PRKAR1A: variants seen among roughly 807,000 people sequenced by gnomAD.
PRKAR1A encodes the protein protein kinase cAMP-dependent type I regulatory subunit alpha, also known as cAMP-dependent protein kinase type I-alpha regulatory subunit.
In PRKAR1A, 3 loss-of-function variants were observed where a neutral mutation model predicts 52.0. The observed-to-expected ratio is 0.06, with a 90% CI of 0.03 to 0.15. PRKAR1A has a LOEUF of 0.15. PRKAR1A is among the 10% of genes least tolerant of loss of function. The probability of loss-of-function intolerance (pLI) is 1.00; values close to 1 mark genes in which losing one functional copy is unlikely to be tolerated. For missense variants in PRKAR1A, 240 were observed against 477.4 expected, an observed-to-expected ratio of 0.50 and a Z score of 4.63; for synonymous variants, 188 against 168.4, an observed-to-expected ratio of 1.12 and a Z score of -0.90.
At chr17:68,540,759 C>T in intron 11 of PRKAR1A, 1 of 1,493,406 alleles carries the variant, frequency 6.7e-7, no homozygotes, top group Non-Finnish European at 9.1e-7. Flanking sequence ...TCCTCATGAA[C>T]CAGGTTGTAA....
chr17:68,425,156 C>T, the PRKAR1A span, among the ~76,000 whole-genome samples: 4 of 152,190 alleles, frequency 2.6e-5, no homozygotes, highest in African/African-American at 9.6e-5. Context: ...TAAAGGTGCT[C>T]GGGCAAGCTC....
At chr17:68,435,506 G>T in the PRKAR1A span, 1 of 990,478 alleles carries the variant, frequency 1.0e-6, no homozygotes, top group Non-Finnish European at 1.6e-6. Context: ...AATTCTGAGT[G>T]GGCCCAGAGA....
At chr17:68,542,337 C>T (rs576754585) in intron 11 of PRKAR1A, among the ~76,000 whole-genome samples, 2 of 152,324 alleles carry the variant, frequency 1.3e-5, no homozygotes, top group South Asian at 2.1e-4. Context: ...GTGAATGCTA[C>T]TAAGCTGAAC....
chr17:68,492,631 G>A, the PRKAR1A span, among the ~76,000 whole-genome samples: 84 of 152,138 alleles, frequency 5.5e-4, 1 homozygote, highest in Admixed American at 1.3e-4. Context: ...GCTTGGGAAC[G>A]TATCCAAGTC....
intron 2 of PRKAR1A, among the ~76,000 whole-genome samples, chr17:68,521,511 G>A (rs1249260904): frequency 3.9e-5 from 6 of 152,246 alleles, no homozygotes; most frequent in South Asian, 2.1e-4. Flanking sequence ...GATTATAGGC[G>A]TAAGCCACTG....
downstream of PRKAR1A, chr17:68,537,850 C>T: frequency 8.1e-7 from 1 of 1,240,048 alleles, no homozygotes; most frequent in Non-Finnish European, 1.1e-6. This position sits in a 1 kb window ranked among gnomAD's most constrained non-coding sequence, Gnocchi z 4.2. Context: ...TGGCGCCTCT[C>T]CTTGTGTCTT....
intron 3 of PRKAR1A, 54 bp downstream of exon 3, chr17:68,522,980 C>G: frequency 6.3e-7 from 1 of 1,594,500 alleles, no homozygotes. Context: ...ACTTGGTGGT[C>G]ATCTAGTCTC....
chr17:68,534,425 G>A (rs1455855640), downstream of PRKAR1A, among the ~76,000 whole-genome samples: 2 of 152,138 alleles, frequency 1.3e-5, no homozygotes, highest in African/African-American at 4.8e-5. Flanking sequence ...AATAGTCACA[G>A]GGCTTTTGCA....
the PRKAR1A span, chr17:68,424,387 C>T: frequency 1.9e-6 from 1 of 527,066 alleles, no homozygotes; most frequent in South Asian, 1.4e-5. Context: ...GCCAAATGTG[C>T]TCACTAGAGG....
At chr17:68,454,435 C>T in the PRKAR1A span, among the ~76,000 whole-genome samples, 2 of 152,172 alleles carry the variant, frequency 1.3e-5, no homozygotes, top group African/African-American at 4.8e-5. Flanking sequence ...CCTACCCAGA[C>T]ATTTGTTCTT....
the PRKAR1A span, among the ~76,000 whole-genome samples, chr17:68,425,390 T>C: frequency 9.9e-5 from 15 of 150,832 alleles, no homozygotes; most frequent in Non-Finnish European, 2.1e-4. Context: ...TTCTTTTTTT[T>C]TTTTTTTTTT....
At chr17:68,464,507 C>T in the PRKAR1A span, among the ~76,000 whole-genome samples, 2 of 151,980 alleles carry the variant, frequency 1.3e-5, no homozygotes, top group African/African-American at 4.8e-5. Flanking sequence ...ACGGTGAAAC[C>T]CCGTCTCTAC....
intron 11 of PRKAR1A, chr17:68,543,767 G>A: frequency 1.9e-6 from 3 of 1,540,570 alleles, no homozygotes; most frequent in Non-Finnish European, 2.7e-6. Flanking sequence ...ACTTCAGCTG[G>A]GAGCCTGAGA....
chr17:68,532,394 T>C lies in PRKAR1A; in HGVS notation c.*1945T>C. 9.5e-7 allele frequency: 1 copy of C among 1,057,698 alleles called. No homozygotes were observed. Among genetic ancestry groups the C allele is most frequent in the Non-Finnish European group, 1.1e-6 (1 of 872,232 alleles). 65.5% of individuals were successfully genotyped at this position (1,057,698 alleles called of 1,614,324 possible). A position where few individuals can be genotyped will look rare whatever the true frequency, so the allele number is the denominator to read the frequency against. On this transcript the variant is annotated 3_prime_UTR_variant, in exon 11 of 11. Coordinates refer to ENST00000589228, the MANE Select transcript of PRKAR1A (RefSeq NM_002734.5). Reference sequence around the variant, plus strand: ...CTGAGTGAGTTTTACTCTTAAATCATTTGGTTAAATCATTTGGCTTGCTGT... The same window carrying C: ...CTGAGTGAGTTTTACTCTTAAATCACTTGGTTAAATCATTTGGCTTGCTGT...
In PRKAR1A at chr17:68,528,934, T is replaced by C. The variant is rs1488800871; in HGVS notation, c.834T>C (p.Asp278=). 1 of 1,614,044 alleles carries C rather than the reference T, an allele frequency of 6.2e-7. No individual in the cohort carries two copies. Among genetic ancestry groups the C allele is most frequent in the Non-Finnish European group, 8.5e-7 (1 of 1,179,920 alleles). Residue 278 remains aspartate, a synonymous_variant, in exon 9 of 11, where the codon GAT becomes GAC. Transcript: ENST00000589228. ...ADALEPVQFE[D]GQKIVVQGEP... The stretch of plus-strand genomic sequence containing the variant: ...CATTGGAACCAGTGCAGTTTGAAGA[T>C]GGGCAGAAGATTGTGGTGCAGGGAG...
rs566161625 is a variant in PRKAR1A at position 68,533,160 on chromosome 17, C to A, written c.*2711C>A. ...ATACATTTAATGTTACTTAGGGATA[C>A]TTTTATATTTTGCATATATAAAGCC... On this transcript the variant is annotated 3_prime_UTR_variant, in exon 11 of 11. Coordinates refer to ENST00000589228, the MANE Select transcript of PRKAR1A (RefSeq NM_002734.5). The A allele has an allele frequency of 2.7e-4, 282 of 1,059,204 alleles. 1 individual carries two copies. In the African/African-American group the frequency reaches 4.2e-3, roughly 16 times the overall value. The allele number at this position is 1,059,204 out of a possible 1,614,324, so 65.6% of individuals were successfully genotyped here. A position where few individuals can be genotyped will look rare whatever the true frequency, so the allele number is the denominator to read the frequency against.
intron 11 of PRKAR1A, among the ~76,000 whole-genome samples, chr17:68,544,512 CTGTG>C (rs1271148930): frequency 6.6e-6 from 1 of 152,150 alleles, no homozygotes; most frequent in African/African-American, 2.4e-5. Flanking sequence ...TTATAATCCA[CTGTG>C]TGGGACTGTT....
At chr17:68,544,313 A>T (rs1443388367) in intron 11 of PRKAR1A, among the ~76,000 whole-genome samples, 2 of 152,128 alleles carry the variant, frequency 1.3e-5, no homozygotes. Context: ...ATATTGATTT[A>T]TATACATTAA....
rs2085986872 is a variant in PRKAR1A at position 68,531,932 on chromosome 17, CCATCTGTGTG to C, written c.*1486_*1495del. ...TTTGGGAGTGACTGCAAGCATTTTT[CCATCTGTGTG>C]CAACTAACTGACTCTGTTATTGATC... On this transcript the variant is annotated 3_prime_UTR_variant, in exon 11 of 11. Transcript: ENST00000589228. 24 of 1,065,480 alleles carry C rather than the reference CCATCTGTGTG, an allele frequency of 2.3e-5. No individual in the cohort carries two copies. Among genetic ancestry groups the C allele is most frequent in the Non-Finnish European group, 2.4e-5 (21 of 879,056 alleles). 66.0% of individuals were successfully genotyped at this position (1,065,480 alleles called of 1,614,324 possible). A position where few individuals can be genotyped will look rare whatever the true frequency, so the allele number is the denominator to read the frequency against.
Sources: allele counts gnomAD v4.1 joint callset (sites outside exome capture counted in the v4.1 genomes callset), GRCh38; gene constraint gnomAD v4.1.1; non-coding constraint Gnocchi (gnomAD v3.1); transcripts MANE v1.5; gene names NCBI Gene and HGNC (gene_info 2026-07-23, HGNC 2026-07-21).